IL16: variants seen among roughly 807,000 people sequenced by gnomAD.
IL16 encodes the protein interleukin 16.
Under a neutral mutation model 110.1 loss-of-function variants are expected in IL16, and 67 were observed. The observed-to-expected ratio is 0.61, with a 90% CI of 0.50 to 0.75. The LOEUF is 0.75. Among genes scored for constraint, IL16 ranks in the 30% least tolerant of loss-of-function variants. IL16 has a pLI of 0.00. For missense variants in IL16, 1,545 were observed against 1,655.0 expected (o/e 0.93, Z 1.15); for synonymous variants, 689 against 662.9 (o/e 1.04, Z -0.61).
At chr15:81,197,824 GA>G (rs1895654890) in intron 1 of IL16, among the ~76,000 whole-genome samples, 3 of 152,066 alleles carry the variant, frequency 2.0e-5, no homozygotes. Flanking sequence ...GGAATACAGG[GA>G]AGCATCTTCT....
At chr15:81,257,860 C>T (rs968581329) in intron 2 of IL16, among the ~76,000 whole-genome samples, 1 of 152,164 alleles carries the variant, frequency 6.6e-6, no homozygotes, top group African/African-American at 2.4e-5. Flanking sequence ...AGCATTTAAG[C>T]CATCTAGTTT....
chr15:81,226,282 G>A (rs549367391), intron 2 of IL16, among the ~76,000 whole-genome samples: 101 of 152,308 alleles, frequency 6.6e-4, no homozygotes, highest in African/African-American at 2.1e-3. Flanking sequence ...AGTGTCTGGG[G>A]ACCTGCCAGA....
rs1222378597 is a variant in IL16, at chr15:81,310,459, C to A, written c.*1661C>A. ...GCTGGTTAACTTGTTTGGCCTATTC[C>A]ATTCTGGATTTTGTCAAGCAGTAGA... On this transcript the variant is annotated 3_prime_UTR_variant, in exon 19 of 19. Coordinates refer to ENST00000683961, the MANE Select transcript of IL16 (RefSeq NM_172217.5). The A allele has an allele frequency of 1.3e-5, 2 of 152,114 alleles. No individual in the cohort carries two copies. Among genetic ancestry groups the A allele is most frequent in the Non-Finnish European group, 2.9e-5 (2 of 68,012 alleles). 9.4% of individuals were successfully genotyped at this position (152,114 alleles called of 1,614,324 possible).
intron 1 of IL16, among the ~76,000 whole-genome samples, chr15:81,210,168 A>T (rs1353589086): frequency 1.3e-5 from 2 of 152,116 alleles, no homozygotes; most frequent in Non-Finnish European, 2.9e-5. Flanking sequence ...TGAAGAGCAG[A>T]TGGTTGTAGG....
At chr15:81,214,573 C>T (rs970238741) in intron 1 of IL16, among the ~76,000 whole-genome samples, 1 of 151,468 alleles carries the variant, frequency 6.6e-6, no homozygotes, top group African/African-American at 2.4e-5. Context: ...TTTGCATTGA[C>T]CTTGGTGAGT....
chr15:81,262,074 G>A (rs1399309723), intron 3 of IL16, among the ~76,000 whole-genome samples: 14 of 152,018 alleles, frequency 9.2e-5, no homozygotes, highest in African/African-American at 1.5e-4. Context: ...CTGCCCCCCC[G>A]AAAAGAGGTG....
At chr15:81,247,744 C>T (rs937696966) in intron 2 of IL16, among the ~76,000 whole-genome samples, 35 of 152,244 alleles carry the variant, frequency 2.3e-4, no homozygotes, top group Admixed American at 2.1e-3. Flanking sequence ...CTAATGCCAC[C>T]CTTCAGAATC....
chr15:81,270,924 A>G (rs1898604563), intron 5 of IL16, among the ~76,000 whole-genome samples: 1 of 152,200 alleles, frequency 6.6e-6, no homozygotes, highest in African/African-American at 2.4e-5. Flanking sequence ...GATAAAACCT[A>G]CACCCCAAGA....
At chr15:81,280,995 C>T (rs1478675228) in intron 8 of IL16, among the ~76,000 whole-genome samples, 1 of 152,182 alleles carries the variant, frequency 6.6e-6, no homozygotes, top group Non-Finnish European at 1.5e-5. Flanking sequence ...TTAGACTCCA[C>T]CCCCAGAGAT....
At chr15:81,212,250 TTATC>T (rs1896275832) in intron 1 of IL16, among the ~76,000 whole-genome samples, 1 of 152,136 alleles carries the variant, frequency 6.6e-6, no homozygotes. Context: ...TTCCAGGAAT[TTATC>T]TATTTCCTCC....
At chr15:81,283,077 G>T (rs28682371) in intron 9 of IL16, among the ~76,000 whole-genome samples, 6,173 of 152,296 alleles carry the variant, frequency 0.041, 384 homozygotes, top group African/African-American at 0.13. Context: ...AGCAGGAGCG[G>T]GGTGGACAGG....
At chr15:81,189,723 G>A (rs1346487582) in intron 1 of IL16, among the ~76,000 whole-genome samples, 1 of 152,232 alleles carries the variant, frequency 6.6e-6, no homozygotes, top group Non-Finnish European at 1.5e-5. Context: ...AAAGGGCAGA[G>A]TGTGCTGACA....
In IL16 at chr15:81,216,003, G is replaced by A. The variant is rs752781983; in HGVS notation, c.-101-9296G>A. ...GCTGTGCACCTGCTCCTGCAGGGTG[G>A]CTAGGCATGGGCCCTGGGAAGGGCT... On this transcript the variant is annotated intron_variant, in intron 1 of 18. Coordinates refer to ENST00000683961, the MANE Select transcript of IL16 (RefSeq NM_172217.5). Among the ~76,000 whole-genome samples the A allele has an allele frequency of 1.3e-4, 20 of 152,228 alleles. 1 individual carries two copies. The highest frequency in any genetic ancestry group is 1.3e-4 in the Non-Finnish European group (9 of 68,034).
At chr15:81,306,663 C>A (rs1237309361) in intron 18 of IL16, 118 bp downstream of exon 18, 1 of 1,239,834 alleles carries the variant, frequency 8.1e-7, no homozygotes, top group Non-Finnish European at 1.2e-6. Context: ...ATGTCCTCTT[C>A]ATAGGCATGC....
At chr15:81,247,263 C>T (rs1897597136) in intron 2 of IL16, among the ~76,000 whole-genome samples, 1 of 151,694 alleles carries the variant, frequency 6.6e-6, no homozygotes, top group African/African-American at 2.4e-5. Flanking sequence ...CCATTATTTT[C>T]AGCTTTTCTT....
rs773265360 is a variant in IL16, at chr15:81,285,791, T to C, written c.1293T>C (p.Gly431=). The change falls in exon 10 of 19, where the codon GGT becomes GGC. Residue 431 remains glycine (G), a synonymous_variant. Coordinates refer to ENST00000683961, the MANE Select transcript of IL16 (RefSeq NM_172217.5). ...CGATCCTGAGTCACTGTGATCCCGG[T>C]CCAGTCCCCATCATTGTTAGCCGAC... ...VYTILSHCDP[G]PVPIIVSRHP... is the part of the protein sequence containing the mutation. 4.3e-6 allele frequency: 7 copies of C among 1,614,060 alleles called. No homozygotes were observed. In the Admixed American group the frequency reaches 1.2e-4, roughly 27 times the overall value.
chr15:81,234,551 C>A (rs1447397497), intron 2 of IL16, among the ~76,000 whole-genome samples: 1 of 152,144 alleles, frequency 6.6e-6, no homozygotes, highest in Non-Finnish European at 1.5e-5. Context: ...TACTTGCCCA[C>A]TTTTTGGTAT....
intron 2 of IL16, among the ~76,000 whole-genome samples, chr15:81,259,503 A>G (rs977757309): frequency 1.3e-5 from 2 of 152,232 alleles, no homozygotes; most frequent in Non-Finnish European, 2.9e-5. Flanking sequence ...CTTGACATCT[A>G]ATAGCTGAAG....
At chr15:81,296,140 A>G (rs765807919) in intron 12 of IL16, among the ~76,000 whole-genome samples, 8 of 152,204 alleles carry the variant, frequency 5.3e-5, no homozygotes, top group Non-Finnish European at 8.8e-5. Flanking sequence ...CTGTTTATGA[A>G]GCAGACAGAA....
Sources: gnomAD v4.1 joint callset for allele counts (sites outside exome capture counted in the v4.1 genomes callset) on GRCh38, gnomAD v4.1.1 for gene constraint, MANE v1.5 for transcripts, NCBI Gene and HGNC (gene_info 2026-07-23, HGNC 2026-07-21) for gene names.